Variants in MIDEAS observed in about 807,000 individuals in gnomAD.
The protein encoded by MIDEAS is mitotic deacetylase-associated SANT domain protein.
A neutral mutation model predicts 102.7 loss-of-function variants in MIDEAS; 26 were observed. That is an observed-to-expected ratio of 0.25 (90% CI 0.19 to 0.35). The LOEUF is 0.35. Ranked by LOEUF, MIDEAS falls within the 10% of genes least tolerant of loss-of-function variation. The pLI, the probability that MIDEAS is intolerant of heterozygous loss-of-function variation, is 1.00. For synonymous variants in MIDEAS, 585 were observed against 591.0 expected, an observed-to-expected ratio of 0.99 and a Z score of 0.15; for missense variants, 1,231 against 1,435.6, an observed-to-expected ratio of 0.86 and a Z score of 2.30.
intron 3 of MIDEAS, chr14:73,730,231 C>T (rs2053121282): frequency 1.5e-6 from 1 of 688,680 alleles, no homozygotes; most frequent in South Asian, 1.5e-5. Flanking sequence ...CACATGTGAT[C>T]TCTGTTACAT....
At chr14:73,736,086 G>A (rs2053196756) in intron 3 of MIDEAS, among the ~76,000 whole-genome samples, 1 of 152,042 alleles carries the variant, frequency 6.6e-6, no homozygotes, top group Non-Finnish European at 1.5e-5. Flanking sequence ...GAACCCAGGA[G>A]GTTGCAGTGA....
In MIDEAS at chr14:73,779,121, G is replaced by A. The variant is rs138775397; in HGVS notation, c.-248+7981C>T. On this transcript the variant is annotated intron_variant, in intron 1 of 11. Transcript: ENST00000394071. ...GAAGAAATAGCCGGGCATGGTTGGC[G>A]CATGCCTGTAATCCCAGCTCTTTGG... Among the ~76,000 whole-genome samples, 777 of 151,924 alleles carry A rather than the reference G, an allele frequency of 5.1e-3. 8 individuals are homozygous for A. The highest frequency in any genetic ancestry group is 0.018 in the African/African-American group (735 of 41,482).
At chr14:73,748,284 G>C (rs886995201) in intron 1 of MIDEAS, among the ~76,000 whole-genome samples, 1 of 152,096 alleles carries the variant, frequency 6.6e-6, no homozygotes, top group Non-Finnish European at 1.5e-5. Context: ...AAAAAAATAT[G>C]CAATTATATG....
intron 1 of MIDEAS, among the ~76,000 whole-genome samples, chr14:73,755,787 T>C (rs2053472377): frequency 6.6e-6 from 1 of 152,226 alleles, no homozygotes; most frequent in South Asian, 2.1e-4. Context: ...CCTGGTAGAT[T>C]GCTTTCCTAC....
At chr14:73,773,713 G>T (rs758941843) in intron 1 of MIDEAS, among the ~76,000 whole-genome samples, 1 of 151,914 alleles carries the variant, frequency 6.6e-6, no homozygotes, top group African/African-American at 2.4e-5. Context: ...TCAACTTCAA[G>T]AAAGAAAAGT....
chr14:73,746,480 C>A (rs1007826768), intron 1 of MIDEAS, among the ~76,000 whole-genome samples: 2 of 152,178 alleles, frequency 1.3e-5, no homozygotes, highest in Non-Finnish European at 2.9e-5. Flanking sequence ...AGGCTTCCTC[C>A]GCAGGAGACT....
Position 73,760,062 on chromosome 14 carries a change from CT to C in MIDEAS, c.-548del, listed in dbSNP as rs2053539363. The C allele has an allele frequency of 2.6e-5, 4 of 152,076 alleles. No individual in the cohort carries two copies. The allele number at this position is 152,076 out of a possible 1,614,324, so 9.4% of individuals were successfully genotyped here. A position where few individuals can be genotyped will look rare whatever the true frequency, so the allele number is the denominator to read the frequency against. ...TCCGCCTCGCGAGCGCTCTGCCTCC[CT>C]CCGTGTCACCCCCAGTCCTGCGATG... On this transcript the variant is annotated 5_prime_UTR_variant, in exon 1 of 13. The change creates a premature stop within an existing upstream ORF in the 5' untranslated region. Coordinates refer to ENST00000423556, the MANE Select transcript of MIDEAS (RefSeq NM_001367710.1). This position sits in a 1 kb window ranked among gnomAD's most constrained non-coding sequence, Gnocchi z 4.8.
chr14:73,745,932 G>A (rs1595275273), intron 1 of MIDEAS, among the ~76,000 whole-genome samples: 1 of 152,160 alleles, frequency 6.6e-6, no homozygotes, highest in East Asian at 1.9e-4. Flanking sequence ...CACTTCTCTG[G>A]ACTGAACTTC....
intron 11 of MIDEAS, among the ~76,000 whole-genome samples, chr14:73,720,939 C>T (rs1412316845): frequency 2.0e-5 from 3 of 152,212 alleles, no homozygotes; most frequent in African/African-American, 2.4e-5. Context: ...CTGCAAACCA[C>T]CAATGCTCCC....
intron 1 of MIDEAS, among the ~76,000 whole-genome samples, chr14:73,757,552 T>C (rs2053500618): frequency 6.6e-6 from 1 of 152,134 alleles, no homozygotes; most frequent in East Asian, 1.9e-4. Flanking sequence ...GAAGTGGCAT[T>C]TGAAACAGGA....
At chr14:73,763,352 T>G (rs1199799124), upstream of MIDEAS, among the ~76,000 whole-genome samples, 1 of 151,974 alleles carries the variant, frequency 6.6e-6, no homozygotes, top group Non-Finnish European at 1.5e-5. Context: ...AAAAAGAAAA[T>G]CTTCCAAGGG....
upstream of MIDEAS, chr14:73,787,599 G>A (rs1464894243): frequency 6.6e-6 from 1 of 152,298 alleles, no homozygotes; most frequent in African/African-American, 2.4e-5. Context: ...TGGGGGAGGG[G>A]AAAGAAAAAG....
intron 1 of MIDEAS, among the ~76,000 whole-genome samples, chr14:73,768,921 T>C (rs904843333): frequency 2.6e-5 from 4 of 152,194 alleles, no homozygotes; most frequent in Admixed American, 1.3e-4. Flanking sequence ...TTAGGTGGGA[T>C]AGACTTTCCA....
At position 73,719,267 on chromosome 14, in the gene MIDEAS, CGCGGGGGTCCCAGCGGGGACAGCGCT is replaced by C; in HGVS notation, c.3134+12_3134+37del. The stretch of plus-strand genomic sequence containing the variant: ...CCCCCGCCCCCTCCGCGCACCAGCC[CGCGGGGGTCCCAGCGGGGACAGCGCT>C]GCCCACCTTACCTGCCACATTTTTT... On this transcript the variant is annotated intron_variant, in intron 12 of 12. Coordinates refer to ENST00000423556, the MANE Select transcript of MIDEAS (RefSeq NM_001367710.1). The C allele has an allele frequency of 6.3e-7, 1 of 1,597,994 alleles. No homozygotes were observed. The highest frequency in any genetic ancestry group is 8.5e-7 in the Non-Finnish European group (1 of 1,173,598).
At chr14:73,719,152 C>T in intron 12 of MIDEAS, 144 bp from the exon 13 acceptor site, 2 of 1,467,418 alleles carry the variant, frequency 1.4e-6, no homozygotes, top group African/African-American at 1.4e-5. Context: ...CCGAAAGCTG[C>T]CCCATGACGT....
At chr14:73,746,874 CT>C (rs2053359241) in intron 1 of MIDEAS, among the ~76,000 whole-genome samples, 1 of 152,184 alleles carries the variant, frequency 6.6e-6, no homozygotes, top group African/African-American at 2.4e-5. Flanking sequence ...AAGCCAGGCT[CT>C]GGGAGACACA....
At chr14:73,719,132 G>A in intron 12 of MIDEAS, 124 bp from the exon 13 acceptor site, 4 of 1,461,808 alleles carry the variant, frequency 2.7e-6, no homozygotes, top group Non-Finnish European at 3.6e-6. Context: ...CGGCCAGCTC[G>A]CGTCATTTTC....
At chr14:73,771,241 G>C (rs2053639541) in intron 1 of MIDEAS, among the ~76,000 whole-genome samples, 1 of 152,244 alleles carries the variant, frequency 6.6e-6, no homozygotes, top group African/African-American at 2.4e-5. Flanking sequence ...GTCTTTGACA[G>C]TTCTGAAATT....
At position 73,738,838 on chromosome 14, in the gene MIDEAS, C is replaced by A. The variant is rs2140122579; in HGVS notation, c.1171G>T (p.Gly391Trp). The change falls in exon 2 of 13, where the codon GGG (glycine) becomes TGG (tryptophan). Residue 391 changes from glycine (G) to tryptophan (W), a missense_variant. By Grantham distance (184) the Gly-to-Trp change is radical. Transcript: ENST00000423556. Reference sequence around the variant, plus strand: ...CCCAGAGCTTCAGGATGGGGCTGCCCCAGGGAGCCAGGTGGCGGCTGCTGC... The same window carrying A: ...CCCAGAGCTTCAGGATGGGGCTGCCACAGGGAGCCAGGTGGCGGCTGCTGC... ...PLQQPPPGSL[G>W]QPHPEALGFP... The A allele has an allele frequency of 6.4e-7, 1 of 1,572,008 alleles. No individual in the cohort carries two copies. Among genetic ancestry groups the A allele is most frequent in the Non-Finnish European group, 8.6e-7 (1 of 1,159,122 alleles).
Sources: gnomAD v4.1 joint callset for allele counts (sites outside exome capture counted in the v4.1 genomes callset) on GRCh38, gnomAD v4.1.1 for gene constraint, Gnocchi (gnomAD v3.1) non-coding constraint, MANE v1.5 for transcripts, NCBI Gene and HGNC (gene_info 2026-07-23, HGNC 2026-07-21) for gene names.